Variants in SLC9A9 observed in about 807,000 individuals in gnomAD.
The protein encoded by SLC9A9 is solute carrier family 9 member A9.
In SLC9A9, 62 loss-of-function variants were observed where a neutral mutation model predicts 77.8. That is an observed-to-expected ratio of 0.80 (90% CI 0.65 to 0.98). SLC9A9 has a LOEUF of 0.98. Ranked by LOEUF, SLC9A9 falls within the 50% of genes least tolerant of loss-of-function variation. The pLI is 0.00. For missense variants in SLC9A9, 775 were observed against 774.9 expected (o/e 1.00, Z 0.00); for synonymous variants, 320 against 283.5 (o/e 1.13, Z -1.29).
chr3:143,680,434 G>A (rs764103405), intron 5 of SLC9A9, among the ~76,000 whole-genome samples: 6 of 152,048 alleles, frequency 3.9e-5, no homozygotes, highest in Non-Finnish European at 7.4e-5. Flanking sequence ...AAAAGATAAA[G>A]TATGTCCATA....
intron 11 of SLC9A9, among the ~76,000 whole-genome samples, chr3:143,473,305 G>A (rs1041052483): frequency 6.6e-6 from 1 of 152,222 alleles, no homozygotes; most frequent in East Asian, 1.9e-4. Flanking sequence ...ATGAGGTCAC[G>A]ATTCAACTCA....
At chr3:143,768,085 T>C (rs2007389287) in intron 4 of SLC9A9, among the ~76,000 whole-genome samples, 2 of 152,134 alleles carry the variant, frequency 1.3e-5, no homozygotes. Context: ...CTCACCACTT[T>C]CTTTTCCTTC....
rs149735602 is a variant in SLC9A9 at position 143,396,558 on chromosome 3, G to A, written c.1470-14444C>T. Among the ~76,000 whole-genome samples the A allele has an allele frequency of 4.3e-3, 654 of 152,186 alleles. 4 individuals carry two copies. The highest frequency in any genetic ancestry group is 0.015 in the African/African-American group (619 of 41,540). On this transcript the variant is annotated intron_variant, in intron 12 of 15. Coordinates refer to ENST00000316549, the MANE Select transcript of SLC9A9 (RefSeq NM_173653.4). Reference sequence around the variant, plus strand: ...GTATACATATGTAACAAACCTGCACGTTGTGTACATGTACCCTAGACCTTA... The same window carrying A: ...GTATACATATGTAACAAACCTGCACATTGTGTACATGTACCCTAGACCTTA...
At chr3:143,337,910 T>C (rs1483914472) in intron 14 of SLC9A9, among the ~76,000 whole-genome samples, 3 of 152,204 alleles carry the variant, frequency 2.0e-5, no homozygotes, top group African/African-American at 4.8e-5. Flanking sequence ...GCACCAGTCA[T>C]GGTCCCACAG....
intron 12 of SLC9A9, among the ~76,000 whole-genome samples, chr3:143,388,917 G>A (rs2033491015): frequency 6.6e-6 from 1 of 152,224 alleles, no homozygotes; most frequent in Non-Finnish European, 1.5e-5. Flanking sequence ...GATGGACACT[G>A]AAAAGTGAGA....
intron 4 of SLC9A9, among the ~76,000 whole-genome samples, chr3:143,786,710 G>A (rs894308434): frequency 6.6e-6 from 1 of 152,142 alleles, no homozygotes; most frequent in African/African-American, 2.4e-5. Flanking sequence ...TTATTTGGCT[G>A]TGTCAGGGCA....
At chr3:143,771,755 G>C (rs908743359) in intron 4 of SLC9A9, among the ~76,000 whole-genome samples, 2 of 152,190 alleles carry the variant, frequency 1.3e-5, no homozygotes, top group Non-Finnish European at 2.9e-5. Context: ...GCTGGGAAAG[G>C]AATGGAGCCC....
chr3:143,376,510 T>A (rs2033183423), intron 13 of SLC9A9, among the ~76,000 whole-genome samples: 1 of 152,230 alleles, frequency 6.6e-6, no homozygotes, highest in Non-Finnish European at 1.5e-5. Flanking sequence ...AATGTGATTA[T>A]GTATATATAC....
intron 14 of SLC9A9, among the ~76,000 whole-genome samples, chr3:143,360,956 A>G (rs181607100): frequency 1.1e-3 from 162 of 152,352 alleles, no homozygotes; most frequent in African/African-American, 3.8e-3. Context: ...TGTGGGCCTC[A>G]TGCAATCAGT....
intron 5 of SLC9A9, among the ~76,000 whole-genome samples, chr3:143,662,139 A>C (rs1365465709): frequency 6.6e-6 from 1 of 152,224 alleles, no homozygotes. Flanking sequence ...TCAGTGTCTT[A>C]CAAGGTCAGG....
chr3:143,807,526 T>C (rs538329623), intron 2 of SLC9A9, among the ~76,000 whole-genome samples: 11 of 152,170 alleles, frequency 7.2e-5, no homozygotes, highest in African/African-American at 2.2e-4. Flanking sequence ...CTTGGAGTAG[T>C]GTTTAAGGGC....
chr3:143,794,491 AG>A (rs1208409834), intron 4 of SLC9A9, among the ~76,000 whole-genome samples: 1 of 152,216 alleles, frequency 6.6e-6, no homozygotes, highest in Admixed American at 6.5e-5. Flanking sequence ...AATGAAAAAA[AG>A]AGTCTGCATT....
At chr3:143,387,232 A>T (rs1559893140) in intron 12 of SLC9A9, among the ~76,000 whole-genome samples, 1 of 152,174 alleles carries the variant, frequency 6.6e-6, no homozygotes. Flanking sequence ...GCAAGGAGAA[A>T]CAAGGAAGAG....
In SLC9A9 at chr3:143,689,055, G is replaced by T. The variant is rs969783434; in HGVS notation, c.649+4137C>A. On this transcript the variant is annotated intron_variant, in intron 5 of 15. Coordinates refer to ENST00000316549, the MANE Select transcript of SLC9A9 (RefSeq NM_173653.4). ...AAGAAGTACTAAGCCATGCTATAGG[G>T]ATATATAAATCCTCACCTTTCATAT... Among the ~76,000 whole-genome samples, 5 of 152,046 alleles carry T rather than the reference G, an allele frequency of 3.3e-5. No individual in the cohort carries two copies. In the East Asian group the frequency reaches 9.7e-4, roughly 29 times the overall value.
intron 4 of SLC9A9, among the ~76,000 whole-genome samples, chr3:143,744,061 C>A (rs998595848): frequency 3.3e-5 from 5 of 152,144 alleles, no homozygotes; most frequent in African/African-American, 1.2e-4. Flanking sequence ...AGTATTAATA[C>A]TAGCTAGCAT....
intron 9 of SLC9A9, among the ~76,000 whole-genome samples, chr3:143,500,208 A>G (rs2035902927): frequency 6.6e-6 from 1 of 152,114 alleles, no homozygotes; most frequent in Non-Finnish European, 1.5e-5. Context: ...TCAGTTTTAG[A>G]AAGTTATGTT....
chr3:143,361,822 G>C (rs977953083), intron 14 of SLC9A9, among the ~76,000 whole-genome samples: 1 of 151,930 alleles, frequency 6.6e-6, no homozygotes, highest in African/African-American at 2.4e-5. Flanking sequence ...AAATTTTGAT[G>C]GACTTCCACT....
At chr3:143,754,061 G>C (rs2108826935) in intron 4 of SLC9A9, among the ~76,000 whole-genome samples, 1 of 152,252 alleles carries the variant, frequency 6.6e-6, no homozygotes, top group South Asian at 2.1e-4. Context: ...CATCTCTAGA[G>C]TTTTGGATCG....
chr3:143,299,756 C>G (rs1245988331), intron 14 of SLC9A9, among the ~76,000 whole-genome samples: 1 of 152,106 alleles, frequency 6.6e-6, no homozygotes, highest in Non-Finnish European at 1.5e-5. Context: ...CATTTTTATT[C>G]CTTACAAGTT....
Sources: allele counts gnomAD v4.1 joint callset (sites outside exome capture counted in the v4.1 genomes callset), GRCh38; gene constraint gnomAD v4.1.1; transcripts MANE v1.5; gene names NCBI Gene and HGNC (gene_info 2026-07-23, HGNC 2026-07-21).